Variants in TMEFF1 observed in about 807,000 individuals in gnomAD.
TMEFF1 encodes the protein tomoregulin-1.
TMEFF1 carries 20 observed loss-of-function variants against 47.5 expected under a neutral mutation model. The ratio of observed to expected loss-of-function variants is 0.42; its 90% CI spans 0.30 to 0.61. The LOEUF (loss-of-function observed/expected upper bound fraction) is 0.61, where lower values mean the gene tolerates loss of function less well. Among genes scored for constraint, TMEFF1 ranks in the 20% least tolerant of loss-of-function variants. TMEFF1 has a pLI of 0.19. For synonymous variants in TMEFF1, 162 were observed against 166.3 expected (o/e 0.97, Z 0.20); for missense variants, 411 against 471.1 (o/e 0.87, Z 1.18).
At chr9:100,564,901 G>A (rs997367292) in intron 8 of TMEFF1, among the ~76,000 whole-genome samples, 2 of 152,170 alleles carry the variant, frequency 1.3e-5, no homozygotes, top group Admixed American at 6.6e-5. Context: ...GTTGGTGACC[G>A]ACCTGTTAGG....
chr9:100,523,205 A>G (rs1277765327), intron 5 of TMEFF1, among the ~76,000 whole-genome samples: 2 of 152,148 alleles, frequency 1.3e-5, no homozygotes, highest in African/African-American at 2.4e-5. Context: ...CTGGAGTCCC[A>G]TTCCTGTTTA....
At chr9:100,477,594 G>C (rs920264683) in intron 1 of TMEFF1, among the ~76,000 whole-genome samples, 1 of 146,844 alleles carries the variant, frequency 6.8e-6, no homozygotes, top group East Asian at 2.1e-4. Flanking sequence ...TTTACCCACA[G>C]ATGTTTTTCT....
At chr9:100,519,391 A>T (rs1471138635) in intron 5 of TMEFF1, among the ~76,000 whole-genome samples, 1 of 151,708 alleles carries the variant, frequency 6.6e-6, no homozygotes, top group Non-Finnish European at 1.5e-5. Context: ...CTGGCGATGG[A>T]GTGAGACTCC....
intron 8 of TMEFF1, among the ~76,000 whole-genome samples, chr9:100,562,521 T>C (rs1839035525): frequency 6.6e-6 from 1 of 152,212 alleles, no homozygotes; most frequent in Non-Finnish European, 1.5e-5. Context: ...TGCTTTTTCC[T>C]GATTGAAAGT....
chr9:100,502,389 T>A (rs1200330283), intron 2 of TMEFF1, among the ~76,000 whole-genome samples: 1 of 152,172 alleles, frequency 6.6e-6, no homozygotes. Flanking sequence ...AGACGGGGTC[T>A]CACTCTGTTG....
At chr9:100,488,279 T>G in intron 1 of TMEFF1, among the ~76,000 whole-genome samples, 1 of 152,230 alleles carries the variant, frequency 6.6e-6, no homozygotes, top group Non-Finnish European at 1.5e-5. Context: ...TACATGTGTT[T>G]CTACCAAAGT....
At chr9:100,566,358 G>A (rs534514752) in intron 8 of TMEFF1, among the ~76,000 whole-genome samples, 18 of 152,216 alleles carry the variant, frequency 1.2e-4, no homozygotes, top group Non-Finnish European at 1.6e-4. Context: ...CCACATGGAC[G>A]TCTGACACCT....
At chr9:100,501,493 A>G (rs902596361) in intron 2 of TMEFF1, among the ~76,000 whole-genome samples, 1 of 151,620 alleles carries the variant, frequency 6.6e-6, no homozygotes, top group African/African-American at 2.4e-5. Flanking sequence ...CCTCATGTTG[A>G]TTTGTAAAGA....
At position 100,498,057 on chromosome 9, in the gene TMEFF1, T is replaced by C. The variant is rs114651016; in HGVS notation, c.197-708T>C. Among the ~76,000 whole-genome samples, 291 of 152,328 alleles carry C rather than the reference T, an allele frequency of 1.9e-3. 1 individual carries two copies. Among genetic ancestry groups the C allele is most frequent in the African/African-American group, 6.7e-3 (277 of 41,578 alleles). On this transcript the variant is annotated intron_variant, in intron 1 of 9. Transcript: ENST00000374879. ...TTCACTGATTGGCAGCTTCAAGCACTAACCTTGAAGCTTAATTTGATGCTT... is the reference window on the plus strand; with the variant it reads ...TTCACTGATTGGCAGCTTCAAGCACCAACCTTGAAGCTTAATTTGATGCTT...
intron 8 of TMEFF1, among the ~76,000 whole-genome samples, chr9:100,572,066 G>T (rs776596818): frequency 1.4e-4 from 21 of 152,064 alleles, no homozygotes; most frequent in Non-Finnish European, 2.5e-4. Context: ...TTCCTAACAG[G>T]CCATGGACCA....
rs944818012 is a variant in TMEFF1, at chr9:100,473,352, C to T, written c.-193C>T. On this transcript the variant is annotated 5_prime_UTR_variant, in exon 1 of 10. Transcript: ENST00000374879. The surrounding 1 kb of genome is among the most constrained non-coding windows in gnomAD (Gnocchi z 5.4). ...GACCCTCGCACGCGCCCGGACCCGC[C>T]GACTCCGTCCCGAGCGCCGCGGGCC... The T allele has an allele frequency of 6.7e-6, 2 of 297,102 alleles. No homozygotes were observed. Among genetic ancestry groups the T allele is most frequent in the Non-Finnish European group, 5.7e-6 (1 of 175,216 alleles). 18.4% of individuals were successfully genotyped at this position (297,102 alleles called of 1,614,324 possible).
At chr9:100,492,607 G>T (rs1228534331) in intron 1 of TMEFF1, among the ~76,000 whole-genome samples, 1 of 152,186 alleles carries the variant, frequency 6.6e-6, no homozygotes, top group East Asian at 1.9e-4. Flanking sequence ...AGTTCTAAGA[G>T]TGTTATTGAC....
intron 1 of TMEFF1, among the ~76,000 whole-genome samples, chr9:100,493,474 A>C (rs1298823392): frequency 1.3e-5 from 2 of 152,178 alleles, no homozygotes; most frequent in Admixed American, 6.5e-5. Flanking sequence ...TGGGCAGCTC[A>C]GGTTCATAGA....
intron 5 of TMEFF1, among the ~76,000 whole-genome samples, chr9:100,519,734 T>A (rs1838130534): frequency 6.6e-6 from 1 of 150,596 alleles, no homozygotes; most frequent in African/African-American, 2.4e-5. Flanking sequence ...TTTACTTCTG[T>A]ATTAAGTCTT....
chr9:100,490,603 A>G (rs1211400575), intron 1 of TMEFF1, among the ~76,000 whole-genome samples: 1 of 152,180 alleles, frequency 6.6e-6, no homozygotes, highest in East Asian at 1.9e-4. Flanking sequence ...TAAAAGGAGA[A>G]CTACCACGTG....
intron 1 of TMEFF1, among the ~76,000 whole-genome samples, chr9:100,478,365 G>C (rs1837273501): frequency 1.3e-5 from 2 of 152,200 alleles, no homozygotes; most frequent in African/African-American, 4.8e-5. Flanking sequence ...CTGTCGCCCA[G>C]GCTGGCGTGT....
intron 1 of TMEFF1, among the ~76,000 whole-genome samples, chr9:100,475,607 T>A (rs374621847): frequency 1.3e-5 from 2 of 152,146 alleles, no homozygotes; most frequent in African/African-American, 4.8e-5. Flanking sequence ...CTTGATGGGA[T>A]GTTTTTGTGT....
intron 2 of TMEFF1, among the ~76,000 whole-genome samples, chr9:100,500,587 T>C (rs544343331): frequency 6.6e-6 from 1 of 152,358 alleles, no homozygotes; most frequent in East Asian, 1.9e-4. Flanking sequence ...AGTTTCTGTT[T>C]ACCTGCTGGG....
chr9:100,527,925 C>A lies in TMEFF1; in HGVS notation c.560+11154C>A, dbSNP rs556125256. Among the ~76,000 whole-genome samples, 11 of 152,336 alleles carry A rather than the reference C, an allele frequency of 7.2e-5. No individual in the cohort carries two copies. In the South Asian group the frequency reaches 1.0e-3, roughly 14 times the overall value. On this transcript the variant is annotated intron_variant, in intron 5 of 9. Transcript: ENST00000374879. ...AGGCAGACTGCCTCCTCAAGTGGCT[C>A]CCTGACACCTGACCCCCGAGCAGCC...
Sources: allele counts gnomAD v4.1 joint callset (sites outside exome capture counted in the v4.1 genomes callset), GRCh38; gene constraint gnomAD v4.1.1; non-coding constraint Gnocchi (gnomAD v3.1); transcripts MANE v1.5; gene names NCBI Gene and HGNC (gene_info 2026-07-23, HGNC 2026-07-21).